The following WDR17 variants were observed in gnomAD, a reference collection of about 807,000 sequenced individuals.
The protein encoded by WDR17 is WD repeat domain 17.
A neutral mutation model predicts 161.7 loss-of-function variants in WDR17; 143 were observed. That is an observed-to-expected ratio of 0.88 (90% CI 0.77 to 1.02). The LOEUF (loss-of-function observed/expected upper bound fraction) is 1.02, where lower values mean the gene tolerates loss of function less well. Among genes scored for constraint, WDR17 ranks in the 50% least tolerant of loss-of-function variants. WDR17 has a pLI of 0.00. For synonymous variants in WDR17, 517 were observed against 515.6 expected, an observed-to-expected ratio of 1.00 and a Z score of -0.04; for missense variants, 1,469 against 1,520.9, an observed-to-expected ratio of 0.97 and a Z score of 0.57.
rs1206549215 is a variant in WDR17 at position 176,155,553 on chromosome 4, T to TTTGTTTTGTTTTGTTTTGTTTTG, written c.2461-524_2461-523insGTTTTGTTTTGTTTTGTTTTGTT. Among the ~76,000 whole-genome samples, 144 of 143,188 alleles carry TTTGTTTTGTTTTGTTTTGTTTTG rather than the reference T, an allele frequency of 1.0e-3. 4 individuals carry two copies. The highest frequency in any genetic ancestry group is 3.5e-3 in the African/African-American group (138 of 39,406). 93.9% of individuals were successfully genotyped at this position (143,188 alleles called of 152,430 possible). On this transcript the variant is annotated intron_variant, in intron 17 of 28. Transcript: ENST00000508596. ...TTTGTTTATTTGTTTGTGTTTTTTT[T>TTTGTTTTGTTTTGTTTTGTTTTG]TTTTTTTTGGAGACGAAGTCTTGCT... is the stretch of plus-strand genomic sequence containing the variant.
intron 20 of WDR17, among the ~76,000 whole-genome samples, chr4:176,161,499 A>T (rs768933082): frequency 3.1e-4 from 47 of 152,044 alleles, no homozygotes; most frequent in Non-Finnish European, 1.3e-4. Context: ...CAGCCTTCTA[A>T]CCTTTTTTTA....
intron 12 of WDR17, 66 bp downstream of exon 12, chr4:176,146,225 T>C: frequency 2.0e-6 from 3 of 1,507,488 alleles, no homozygotes; most frequent in Non-Finnish European, 2.7e-6. Context: ...CCTAGAAATG[T>C]ACATATTTAT....
intron 17 of WDR17, among the ~76,000 whole-genome samples, chr4:176,153,317 T>A (rs150227955): frequency 6.6e-6 from 1 of 152,348 alleles, no homozygotes; most frequent in African/African-American, 2.4e-5. Context: ...GGGTTTCTGC[T>A]GAATATCATC....
At chr4:176,164,223 T>A (rs969845866) in intron 22 of WDR17, among the ~76,000 whole-genome samples, 1 of 152,216 alleles carries the variant, frequency 6.6e-6, no homozygotes, top group African/African-American at 2.4e-5. Flanking sequence ...TTTCCTGAGG[T>A]CGCAGTAAGT....
intron 1 of WDR17, among the ~76,000 whole-genome samples, chr4:176,068,867 T>C (rs1330133770): frequency 6.6e-6 from 1 of 152,162 alleles, no homozygotes; most frequent in Non-Finnish European, 1.5e-5. Flanking sequence ...AAGAATCTAC[T>C]CTATAAGGAA....
In WDR17 at chr4:176,131,649, C is replaced by T. The variant is rs1743471965; in HGVS notation, c.1009C>T (p.Pro337Ser). Reference sequence around the variant, plus strand: ...AACACAGAATCAAGCATTTTCTCTTCCTCCTGGTCATGCAGTGTGTTGTTT... The same window carrying T: ...AACACAGAATCAAGCATTTTCTCTTTCTCCTGGTCATGCAGTGTGTTGTTT... ...TLTQNQAFSL[P>S]PGHAVCCFLD... The change falls in exon 7 of 29, where the codon CCT (proline) becomes TCT (serine). Residue 337 changes from proline to serine, a missense_variant. Pro to Ser is a moderately conservative substitution (Grantham distance 74). Coordinates refer to ENST00000508596, the MANE Select transcript of WDR17 (RefSeq NM_181265.4). The T allele has an allele frequency of 6.2e-7, 1 of 1,613,770 alleles. No homozygotes were observed. Among genetic ancestry groups the T allele is most frequent in the East Asian group, 2.2e-5 (1 of 44,822 alleles).
chr4:176,139,781 G>A (rs1212754879), intron 9 of WDR17, 111 bp from the exon 10 acceptor site: 9 of 797,312 alleles, frequency 1.1e-5, no homozygotes, highest in Non-Finnish European at 1.8e-5. Context: ...CTCTGTTAGT[G>A]TCATCTAAAG....
At chr4:176,162,053 A>G (rs201090153) in intron 20 of WDR17, 22 bp from the exon 21 acceptor site, 660 of 1,587,920 alleles carry the variant, frequency 4.2e-4, no homozygotes, top group Non-Finnish European at 5.1e-4. Flanking sequence ...TTTATATAGA[A>G]TACACATTTT....
chr4:176,153,181 A>T (rs935496922), intron 17 of WDR17, among the ~76,000 whole-genome samples: 2 of 152,150 alleles, frequency 1.3e-5, no homozygotes, highest in Non-Finnish European at 1.5e-5. Context: ...TTTGAGAACT[A>T]CCGCCCTAGG....
At chr4:176,140,657 C>T (rs1259942733) in intron 10 of WDR17, among the ~76,000 whole-genome samples, 1 of 152,082 alleles carries the variant, frequency 6.6e-6, no homozygotes, top group Non-Finnish European at 1.5e-5. Flanking sequence ...GGTATAGACA[C>T]TCATAGTTCT....
At position 176,146,059 on chromosome 4, in the gene WDR17, G is replaced by T. The variant is rs772089703; in HGVS notation, c.1594G>T (p.Asp532Tyr). The change falls in exon 12 of 29, where the codon GAT (aspartate) becomes TAT (tyrosine). Residue 532 changes from aspartate (D) to tyrosine (Y), a missense_variant. By Grantham distance (160) the Asp-to-Tyr change is radical (BLOSUM62 -3). Transcript: ENST00000508596. ...VRVYYVATSS[D>Y]QPLKVFSGHT... The stretch of plus-strand genomic sequence containing the variant: ...TGTTTATTATGTAGCCACCAGCTCA[G>T]ATCAACCATTGAAAGTATTTAGTGG... The T allele has an allele frequency of 1.2e-6, 2 of 1,614,038 alleles. No homozygotes were observed. The highest frequency in any genetic ancestry group is 2.2e-5 in the South Asian group (2 of 91,064).
chr4:176,082,422 T>C (rs936142790), intron 1 of WDR17, among the ~76,000 whole-genome samples: 2 of 152,090 alleles, frequency 1.3e-5, no homozygotes, highest in Non-Finnish European at 2.9e-5. Context: ...CTTTGTAAAA[T>C]ATGATTTGAA....
In WDR17 at chr4:176,179,738, A is replaced by AATATATATATATATATATAT. The variant is rs148615406; in HGVS notation, c.*176_*177insTATATATATATATATATATA. On this transcript the variant is annotated 3_prime_UTR_variant, in exon 29 of 29. Coordinates refer to ENST00000508596, the MANE Select transcript of WDR17 (RefSeq NM_181265.4). ...AGTGAATTTTAGTCATTAACTTCAA[A>AATATATATATATATATATAT]ATATATATATATATATAATTTAAAG... is the stretch of plus-strand genomic sequence containing the variant. The AATATATATATATATATATAT allele has an allele frequency of 3.2e-6, 1 of 316,522 alleles. No homozygotes were observed. Among genetic ancestry groups the AATATATATATATATATATAT allele is most frequent in the Admixed American group, 5.2e-5 (1 of 19,090 alleles). The allele number at this position is 316,522 out of a possible 1,614,324, so 19.6% of individuals were successfully genotyped here.
intron 21 of WDR17, 37 bp downstream of exon 21, chr4:176,162,211 T>A (rs750834070): frequency 1.5e-5 from 24 of 1,576,688 alleles, no homozygotes; most frequent in Non-Finnish European, 2.0e-5. Flanking sequence ...GAATGAAAAG[T>A]TTTTTAGATA....
intron 24 of WDR17, among the ~76,000 whole-genome samples, 182 bp downstream of exon 24, chr4:176,172,698 C>T (rs1440462772): frequency 6.6e-6 from 1 of 152,164 alleles, no homozygotes; most frequent in African/African-American, 2.4e-5. Context: ...AAGCATGGCA[C>T]TGGTATCTGC....
intron 1 of WDR17, among the ~76,000 whole-genome samples, chr4:176,107,808 A>G (rs953919362): frequency 6.6e-6 from 1 of 150,982 alleles, no homozygotes; most frequent in African/African-American, 2.5e-5. Context: ...GGTACTATTG[A>G]TAGTGTTTTT....
In WDR17 at chr4:176,146,033, G is replaced by A. The variant is rs188853445; in HGVS notation, c.1568G>A (p.Arg523His). 50 of 1,613,810 alleles carry A rather than the reference G, an allele frequency of 3.1e-5. 2 individuals are homozygous for A. Among genetic ancestry groups the A allele is most frequent in the South Asian group, 1.9e-4 (17 of 91,044 alleles). ...IATGCEDTNVRVYYVATSSDQ... is the reference protein window; with the variant it reads ...IATGCEDTNVHVYYVATSSDQ... ...ACTGGCTGTGAAGACACAAATGTTC[G>A]TGTTTATTATGTAGCCACCAGCTCA... Residue 523 changes from arginine (R) to histidine (H), a missense_variant, in exon 12 of 29, where the codon CGT becomes CAT. Transcript: ENST00000508596.
chr4:176,120,830 C>T (rs1386136624), intron 4 of WDR17, among the ~76,000 whole-genome samples: 4 of 150,824 alleles, frequency 2.7e-5, no homozygotes, highest in Non-Finnish European at 5.9e-5. Context: ...TTTCACAAAA[C>T]AAATTACATT....
chr4:176,161,326 C>T (rs540865383), intron 20 of WDR17, among the ~76,000 whole-genome samples: 2 of 152,142 alleles, frequency 1.3e-5, no homozygotes, highest in East Asian at 1.9e-4. Flanking sequence ...ATAAGATAGA[C>T]TGCTTATTAA....
Sources: gnomAD v4.1 joint callset for allele counts (sites outside exome capture counted in the v4.1 genomes callset) on GRCh38, gnomAD v4.1.1 for gene constraint, MANE v1.5 for transcripts, NCBI Gene and HGNC (gene_info 2026-07-23, HGNC 2026-07-21) for gene names.